CNTLN: variants seen among roughly 807,000 people sequenced by gnomAD.
The protein encoded by CNTLN is centlein, centrosomal protein.
CNTLN carries 212 observed loss-of-function variants against 180.0 expected under a neutral mutation model. The ratio of observed to expected loss-of-function variants is 1.18; its 90% CI spans 1.05 to 1.32. CNTLN has a LOEUF of 1.32. Ranked by LOEUF, CNTLN falls within the 40% of genes most tolerant of loss-of-function variation. The pLI is 0.00. For synonymous variants in CNTLN, 722 were observed against 563.1 expected (o/e 1.28, Z -3.99); for missense variants, 2,095 against 1,610.9 (o/e 1.30, Z -5.14).
chr9:17,365,283 A>G (rs528019975), intron 12 of CNTLN, among the ~76,000 whole-genome samples: 2 of 152,150 alleles, frequency 1.3e-5, no homozygotes, highest in African/African-American at 4.8e-5. Context: ...TGTTCCAGCC[A>G]TGTAAGACCT....
rs114192143 is a variant in CNTLN, at chr9:17,301,661, C to T, written c.1146+3309C>T. ...GTTGTTTTAGATGCTTGTAGTTGTT[C>T]ATACAGTTTTCATTAGTATCCTCAA... is the stretch of plus-strand genomic sequence containing the variant. On this transcript the variant is annotated intron_variant, in intron 7 of 25. Transcript: ENST00000380647. The T allele has an allele frequency of 1.5e-3, 1,484 of 969,782 alleles. 23 individuals are homozygous for T. In the African/African-American group the frequency reaches 0.024, roughly 16 times the overall value. 60.1% of individuals were successfully genotyped at this position (969,782 alleles called of 1,614,324 possible).
intron 5 of CNTLN, among the ~76,000 whole-genome samples, chr9:17,246,081 G>C (rs1825781737): frequency 6.6e-6 from 1 of 152,022 alleles, no homozygotes; most frequent in Admixed American, 6.6e-5. Context: ...TTCTTGAATG[G>C]TTTGATGCTT....
intron 15 of CNTLN, among the ~76,000 whole-genome samples, chr9:17,405,413 C>T (rs965577696): frequency 6.6e-6 from 1 of 151,730 alleles, no homozygotes; most frequent in African/African-American, 2.4e-5. Flanking sequence ...AGGTTGAGAG[C>T]GCCACATTTG....
chr9:17,392,362 T>A (rs1048962480), intron 14 of CNTLN, among the ~76,000 whole-genome samples: 7 of 152,222 alleles, frequency 4.6e-5, no homozygotes, highest in African/African-American at 7.2e-5. Context: ...AAAAGTATTT[T>A]AAAATATATT....
chr9:17,164,183 G>A (rs1199082070), intron 2 of CNTLN, among the ~76,000 whole-genome samples: 1 of 151,038 alleles, frequency 6.6e-6, no homozygotes, highest in Admixed American at 6.6e-5. Flanking sequence ...ATGGTGTCGC[G>A]TGCCTGTAAT....
intron 5 of CNTLN, among the ~76,000 whole-genome samples, chr9:17,263,115 A>C (rs1027432231): frequency 8.6e-5 from 13 of 150,698 alleles, no homozygotes; most frequent in African/African-American, 3.2e-4. Flanking sequence ...ATATGTATAC[A>C]TGTGCCATGT....
intron 18 of CNTLN, among the ~76,000 whole-genome samples, chr9:17,440,562 C>T (rs1023316508): frequency 4.2e-5 from 6 of 144,328 alleles, no homozygotes; most frequent in African/African-American, 1.3e-4. Context: ...GAACTCCAGC[C>T]TGGGCGACGG....
intron 8 of CNTLN, among the ~76,000 whole-genome samples, chr9:17,325,710 T>C (rs939940447): frequency 2.0e-5 from 3 of 151,922 alleles, no homozygotes; most frequent in African/African-American, 7.2e-5. Context: ...TGTTGACAGG[T>C]TTGGAATTCG....
At chr9:17,137,591 C>T (rs1234728352) in intron 1 of CNTLN, among the ~76,000 whole-genome samples, 1 of 152,118 alleles carries the variant, frequency 6.6e-6, no homozygotes, top group Non-Finnish European at 1.5e-5. Flanking sequence ...TTTTTCAGTT[C>T]TATTCCTTTA....
chr9:17,268,357 G>T (rs183138731), intron 5 of CNTLN, among the ~76,000 whole-genome samples: 1 of 152,122 alleles, frequency 6.6e-6, no homozygotes, highest in Non-Finnish European at 1.5e-5. Context: ...AGCGGATATT[G>T]GTGACCCGCA....
chr9:17,144,706 A>G (rs1282258549), intron 2 of CNTLN, among the ~76,000 whole-genome samples: 1 of 151,690 alleles, frequency 6.6e-6, no homozygotes, highest in Non-Finnish European at 1.5e-5. Context: ...GTAGGTGTTC[A>G]AAAGTCTTTT....
intron 3 of CNTLN, among the ~76,000 whole-genome samples, chr9:17,234,359 C>G (rs1214922334): frequency 1.3e-5 from 2 of 151,962 alleles, no homozygotes; most frequent in Admixed American, 1.3e-4. Flanking sequence ...GGGAGGATCC[C>G]TTGAGTCCAG....
intron 12 of CNTLN, 75 bp from the exon 13 acceptor site, chr9:17,366,542 T>C: frequency 1.6e-6 from 1 of 623,164 alleles, no homozygotes; most frequent in Non-Finnish European, 2.8e-6. Flanking sequence ...TTTAGAAATA[T>C]ATTTAAATGT....
At chr9:17,376,586 G>GGACT (rs1824789182) in intron 13 of CNTLN, among the ~76,000 whole-genome samples, 1 of 151,930 alleles carries the variant, frequency 6.6e-6, no homozygotes, top group Non-Finnish European at 1.5e-5. Flanking sequence ...CAAGTAGCTG[G>GGACT]GACTGCAGGC....
chr9:17,255,976 C>A (rs1321930310), intron 5 of CNTLN, among the ~76,000 whole-genome samples: 1 of 151,722 alleles, frequency 6.6e-6, no homozygotes, highest in East Asian at 1.9e-4. Flanking sequence ...TTTTAGAATA[C>A]AGTTTTGTAT....
At chr9:17,238,790 T>C (rs1278653916) in intron 5 of CNTLN, among the ~76,000 whole-genome samples, 1 of 152,206 alleles carries the variant, frequency 6.6e-6, no homozygotes, top group Non-Finnish European at 1.5e-5. Context: ...CTACTTTTTA[T>C]TTCCTACATG....
At position 17,136,259 on chromosome 9, in the gene CNTLN, G is replaced by A. The variant is rs1358621123; in HGVS notation, c.360+834G>A. ...AACTCACTGAACAGTAGATCTTTAA[G>A]TCACTCTGTCTTCAACTTAGAAACC... On this transcript the variant is annotated intron_variant, in intron 1 of 25. Transcript: ENST00000380647. Among the ~76,000 whole-genome samples the A allele has an allele frequency of 2.0e-5, 3 of 152,280 alleles. 1 individual carries two copies. The highest frequency in any genetic ancestry group is 1.5e-5 in the Non-Finnish European group (1 of 68,006).
chr9:17,332,682 A>G lies in CNTLN; in HGVS notation c.1596A>G (p.Arg532=), dbSNP rs757925121. Residue 532 remains arginine (R), a synonymous_variant, in exon 10 of 26, where the codon AGA becomes AGG. Coordinates refer to ENST00000380647, the MANE Select transcript of CNTLN (RefSeq NM_017738.4). ...ACTCAGAAGAGCTACAGAAGCTGAG[A>G]AAAGCTGAAAGAAAGATTGAAAACT... ...FTDSEELQKL[R]KAERKIENLE... is the part of the protein sequence containing the mutation. 2 of 1,607,820 alleles carry G rather than the reference A, an allele frequency of 1.2e-6. No homozygotes were observed. The highest frequency in any genetic ancestry group is 8.5e-7 in the Non-Finnish European group (1 of 1,177,628).
At position 17,466,693 on chromosome 9, in the gene CNTLN, T is replaced by C. The variant is rs552928169; in HGVS notation, c.3670-13T>C. On this transcript the variant is annotated splice_polypyrimidine_tract_variant and intron_variant, in intron 22 of 25. Coordinates refer to ENST00000380647, the MANE Select transcript of CNTLN (RefSeq NM_017738.4). Reference sequence around the variant, plus strand: ...AAAATATCTTTTATTTTATGACTGCTGATCTTTTGCAGGATCTCAAGCTTA... The same window carrying C: ...AAAATATCTTTTATTTTATGACTGCCGATCTTTTGCAGGATCTCAAGCTTA... 1 of 1,600,518 alleles carries C rather than the reference T, an allele frequency of 6.2e-7. No homozygotes were observed. Among genetic ancestry groups the C allele is most frequent in the South Asian group, 1.1e-5 (1 of 88,936 alleles).
Sources: allele counts gnomAD v4.1 joint callset (sites outside exome capture counted in the v4.1 genomes callset), GRCh38; gene constraint gnomAD v4.1.1; transcripts MANE v1.5; gene names NCBI Gene and HGNC (gene_info 2026-07-23, HGNC 2026-07-21).